Variants in FBXL19 observed in about 807,000 individuals in gnomAD.
The protein encoded by FBXL19 is F-box and leucine rich repeat protein 19, also known as F-box/LRR-repeat protein 19.
FBXL19 carries 16 observed loss-of-function variants against 71.2 expected under a neutral mutation model. The ratio of observed to expected loss-of-function variants is 0.22; its 90% CI spans 0.15 to 0.34. The LOEUF (loss-of-function observed/expected upper bound fraction) is 0.34. FBXL19 is among the 10% of genes least tolerant of loss of function. The pLI is 1.00. For missense variants in FBXL19, 658 were observed against 968.2 expected (o/e 0.68, Z 4.25); for synonymous variants, 447 against 409.4 (o/e 1.09, Z -1.11).
In FBXL19 at chr16:30,948,097, G is replaced by A; in HGVS notation, c.*867G>A. ...TGAGGGGACTGGACCAGCTTGGACT[G>A]AGACCTGAGACCGGGCCGGTGGGCG... On this transcript the variant is annotated 3_prime_UTR_variant, in exon 11 of 11. Coordinates refer to ENST00000338343, the MANE Select transcript of FBXL19 (RefSeq NM_001382779.1). 4.2e-6 allele frequency: 1 copy of A among 240,770 alleles called. No individual in the cohort carries two copies. Among genetic ancestry groups the A allele is most frequent in the Non-Finnish European group, 8.5e-6 (1 of 118,134 alleles). 14.9% of individuals were successfully genotyped at this position (240,770 alleles called of 1,614,324 possible).
intron 4 of FBXL19, 21 bp downstream of exon 4, chr16:30,927,680 A>G: frequency 1.3e-6 from 2 of 1,561,164 alleles, no homozygotes; most frequent in Non-Finnish European, 1.7e-6. Context: ...GGCTGGGCTG[A>G]GCTGTGGGTA....
At chr16:30,924,542 TC>T in intron 1 of FBXL19, 83 bp downstream of exon 1, 2 of 1,232,380 alleles carry the variant, frequency 1.6e-6, no homozygotes, top group Admixed American at 4.2e-5. Flanking sequence ...CTCTCTACCT[TC>T]CCCGCCCCCA....
intron 9 of FBXL19, among the ~76,000 whole-genome samples, chr16:30,945,720 C>T (rs965026874): frequency 7.4e-5 from 11 of 149,024 alleles, no homozygotes; most frequent in Admixed American, 7.4e-4. Context: ...GCCTGTAATC[C>T]CAGCACTTTG....
In FBXL19 at chr16:30,948,095, C is replaced by G; in HGVS notation, c.*865C>G. ...TGTGAGGGGACTGGACCAGCTTGGA[C>G]TGAGACCTGAGACCGGGCCGGTGGG... On this transcript the variant is annotated 3_prime_UTR_variant, in exon 11 of 11. Coordinates refer to ENST00000338343, the MANE Select transcript of FBXL19 (RefSeq NM_001382779.1). 1 of 244,406 alleles carries G rather than the reference C, an allele frequency of 4.1e-6. No homozygotes were observed. 15.1% of individuals were successfully genotyped at this position (244,406 alleles called of 1,614,324 possible). A position where few individuals can be genotyped will look rare whatever the true frequency, so the allele number is the denominator to read the frequency against.
chr16:30,929,627 C>T (rs1047244086), intron 6 of FBXL19, among the ~76,000 whole-genome samples: 3 of 152,162 alleles, frequency 2.0e-5, no homozygotes, highest in South Asian at 2.1e-4. Context: ...GGCGTGATCT[C>T]GGCCCGCTGA....
At chr16:30,941,593 G>A (rs550167259) in intron 7 of FBXL19, among the ~76,000 whole-genome samples, 4 of 152,350 alleles carry the variant, frequency 2.6e-5, no homozygotes, top group Admixed American at 2.0e-4. Context: ...CGGGCAGCTG[G>A]CTGTCAAGAT....
At chr16:30,941,881 G>A (rs1458202) in intron 7 of FBXL19, among the ~76,000 whole-genome samples, 81,176 of 152,122 alleles carry the variant, frequency 0.53, 24,087 homozygotes, top group East Asian at 0.91. Context: ...AATCATAAAC[G>A]AGGCTTCTGA....
In FBXL19 at chr16:30,925,798, G is replaced by A; in HGVS notation, c.44G>A (p.Arg15His). 6.7e-7 allele frequency: 1 copy of A among 1,494,296 alleles called. No homozygotes were observed. 92.6% of individuals were successfully genotyped at this position (1,494,296 alleles called of 1,614,324 possible). The change falls in exon 2 of 11, where the codon CGC becomes CAC. Residue 15 changes from arginine (R) to histidine (H), a missense_variant. Arg to His is a conservative substitution (Grantham distance 29). This residue lies in a region of FBXL19 where 33 missense variants were observed against 75.4 expected (regional missense o/e 0.44). Coordinates refer to ENST00000338343, the MANE Select transcript of FBXL19 (RefSeq NM_001382779.1). The surrounding 1 kb of genome is among the most constrained non-coding windows in gnomAD (Gnocchi z 5.0). ...SRGPGAGARR[R>H]RTRCRRCRAC... The stretch of plus-strand genomic sequence containing the variant: ...GGGCCGGGGGCCGGAGCGCGCCGAC[G>A]CCGAACCCGCTGCCGCCGCTGCCGG...
intron 2 of FBXL19, among the ~76,000 whole-genome samples, chr16:30,926,581 C>T (rs941892610): frequency 2.0e-5 from 3 of 151,864 alleles, no homozygotes; most frequent in African/African-American, 7.3e-5. Context: ...CTGCATCCTG[C>T]GTCCCCCTCC....
rs1043668088 is a variant in FBXL19 at position 30,925,229 on chromosome 16, G to C, written c.-24-502G>C. Among the ~76,000 whole-genome samples the C allele has an allele frequency of 6.6e-6, 1 of 152,068 alleles. No individual in the cohort carries two copies. ...ATGGCTGCTGTGGATGAAAAGGTTG[G>C]TGGGGCGGGGGGGAGGAAAAGTCCG... On this transcript the variant is annotated intron_variant, in intron 1 of 10. Transcript: ENST00000338343. The surrounding 1 kb of genome is among the most constrained non-coding windows in gnomAD (Gnocchi z 5.0).
In FBXL19 at chr16:30,947,520, G is replaced by C; in HGVS notation, c.*290G>C. 1 of 442,696 alleles carries C rather than the reference G, an allele frequency of 2.3e-6. No homozygotes were observed. The highest frequency in any genetic ancestry group is 4.1e-6 in the Non-Finnish European group (1 of 241,676). The allele number at this position is 442,696 out of a possible 1,614,324, so 27.4% of individuals were successfully genotyped here. ...AGGGTGCTGAGCCGAAGGGACGGTG[G>C]GAGGGGGGTTATGGTGCAAGTGTTG... On this transcript the variant is annotated 3_prime_UTR_variant, in exon 11 of 11. Coordinates refer to ENST00000338343, the MANE Select transcript of FBXL19 (RefSeq NM_001382779.1).
Position 30,946,744 on chromosome 16 carries a change from C to T in FBXL19, c.1642C>T (p.Arg548Cys), listed in dbSNP as rs1236287284. Residue 548 changes from arginine (R) to cysteine (C), a missense_variant, in exon 10 of 11, where the codon CGT becomes TGT. Physicochemically the swap from Arg to Cys is radical, Grantham distance 180 (BLOSUM62 -3). Transcript: ENST00000338343. The surrounding 1 kb of genome is among the most constrained non-coding windows in gnomAD (Gnocchi z 6.7). ...PDTKPGQTESRGRLQGVAELR... is the reference protein window; with the variant it reads ...PDTKPGQTESCGRLQGVAELR... ...TGGCTGCCCAGGGCAAACAGAGAGC[C>T]GTGGTCGGCTGCAGGGGGTGGCAGA... 2.5e-6 allele frequency: 4 copies of T among 1,612,726 alleles called. No homozygotes were observed. Among genetic ancestry groups the T allele is most frequent in the East Asian group, 2.2e-5 (1 of 44,862 alleles).
chr16:30,925,801 G>A lies in FBXL19; in HGVS notation c.47G>A (p.Arg16Gln). The A allele has an allele frequency of 6.7e-7, 1 of 1,496,172 alleles. No homozygotes were observed. Among genetic ancestry groups the A allele is most frequent in the African/African-American group, 1.4e-5 (1 of 69,308 alleles). The allele number at this position is 1,496,172 out of a possible 1,614,324, so 92.7% of individuals were successfully genotyped here. A position where few individuals can be genotyped will look rare whatever the true frequency, so the allele number is the denominator to read the frequency against. The change falls in exon 2 of 11, where the codon CGA becomes CAA. Residue 16 changes from arginine (R) to glutamine (Q), a missense_variant. By Grantham distance (43) the Arg-to-Gln change is conservative. Coordinates refer to ENST00000338343, the MANE Select transcript of FBXL19 (RefSeq NM_001382779.1). This position sits in a 1 kb window ranked among gnomAD's most constrained non-coding sequence, Gnocchi z 5.0. ...CCGGGGGCCGGAGCGCGCCGACGCC[G>A]AACCCGCTGCCGCCGCTGCCGGGCC... ...RGPGAGARRR[R>Q]TRCRRCRACV...
At chr16:30,939,324 G>T (rs144154199) in intron 7 of FBXL19, among the ~76,000 whole-genome samples, 1,572 of 151,836 alleles carry the variant, frequency 0.01, 34 homozygotes, top group African/African-American at 0.036. Flanking sequence ...GTCCACCTTG[G>T]CCTCCCAAAG....
In FBXL19 at chr16:30,927,615, T is replaced by C; in HGVS notation, c.364T>C (p.Cys122Arg). ...TGTCATCAATGCAGAGATCCCCAAC[T>C]GCTGGGAGTGCCCTCGCTGCACCCA... ...EGVINAEIPN[C>R]WECPRCTQEG... is the part of the protein sequence containing the mutation. The change falls in exon 4 of 11, where the codon TGC becomes CGC. Residue 122 changes from cysteine to arginine, a missense_variant. Cys to Arg is a radical substitution (Grantham distance 180, BLOSUM62 -3). Around this residue, in one of 8 missense-constraint regions of FBXL19, gnomAD observed 447 missense variants for 515.4 expected, o/e 0.87. Coordinates refer to ENST00000338343, the MANE Select transcript of FBXL19 (RefSeq NM_001382779.1). 1 of 1,564,196 alleles carries C rather than the reference T, an allele frequency of 6.4e-7. No homozygotes were observed. Among genetic ancestry groups the C allele is most frequent in the Non-Finnish European group, 8.7e-7 (1 of 1,154,366 alleles).
chr16:30,947,962 C>T lies in FBXL19; in HGVS notation c.*732C>T, dbSNP rs867647994. On this transcript the variant is annotated 3_prime_UTR_variant, in exon 11 of 11. Coordinates refer to ENST00000338343, the MANE Select transcript of FBXL19 (RefSeq NM_001382779.1). ...TTCAGCTCGCGGCCCAGGGGAGTGG[C>T]GAGGGGCGCCCCAACCCCCTGCCCG... The T allele has an allele frequency of 4.8e-5, 20 of 419,138 alleles. No homozygotes were observed. The East Asian group carries it at 1.0e-3, about 21-fold the overall frequency. The allele number at this position is 419,138 out of a possible 1,614,324, so 26.0% of individuals were successfully genotyped here. A position where few individuals can be genotyped will look rare whatever the true frequency, so the allele number is the denominator to read the frequency against.
At chr16:30,936,235 G>C (rs972957802) in intron 7 of FBXL19, among the ~76,000 whole-genome samples, 1 of 152,186 alleles carries the variant, frequency 6.6e-6, no homozygotes, top group African/African-American at 2.4e-5. Flanking sequence ...TCTGGGCTCT[G>C]TGACCATGAT....
Position 30,947,098 on chromosome 16 carries a change from C to T in FBXL19, c.1893C>T (p.Cys631=). 1 of 1,598,534 alleles carries T rather than the reference C, an allele frequency of 6.3e-7. No individual in the cohort carries two copies. Among genetic ancestry groups the T allele is most frequent in the South Asian group, 1.1e-5 (1 of 90,264 alleles). ...TDHCLPLFRR[C]PRLRRLDLRS... is the part of the protein sequence containing the mutation. ...ACTGCCTCCCGCTGTTCCGCCGCTGCCCTCGTCTACGCCGCCTAGACCTGC... is the reference window on the plus strand; with the variant it reads ...ACTGCCTCCCGCTGTTCCGCCGCTGTCCTCGTCTACGCCGCCTAGACCTGC... The change falls in exon 11 of 11, where the codon TGC becomes TGT. Residue 631 remains cysteine, a synonymous_variant. Coordinates refer to ENST00000338343, the MANE Select transcript of FBXL19 (RefSeq NM_001382779.1).
At chr16:30,936,017 A>G (rs2055728609) in intron 7 of FBXL19, among the ~76,000 whole-genome samples, 1 of 152,134 alleles carries the variant, frequency 6.6e-6, no homozygotes, top group South Asian at 2.1e-4. Flanking sequence ...ACATATGGAC[A>G]TGAACTGGGC....
Sources: gnomAD v4.1 joint callset for allele counts (sites outside exome capture counted in the v4.1 genomes callset) on GRCh38, gnomAD v4.1.1 for gene constraint, gnomAD v4.1.1 regional missense constraint, Gnocchi (gnomAD v3.1) non-coding constraint, MANE v1.5 for transcripts, NCBI Gene and HGNC (gene_info 2026-07-23, HGNC 2026-07-21) for gene names.